Variants in DTHD1 observed in about 807,000 individuals in gnomAD.
DTHD1 encodes death domain-containing protein 1.
Under a neutral mutation model 74.8 loss-of-function variants are expected in DTHD1, and 59 were observed. The ratio of observed to expected loss-of-function variants is 0.79; its 90% CI spans 0.64 to 0.98. The LOEUF (loss-of-function observed/expected upper bound fraction) is 0.98, where lower values mean the gene tolerates loss of function less well. DTHD1 is among the 50% of genes least tolerant of loss of function. The pLI is 0.00. For synonymous variants in DTHD1, 365 were observed against 371.1 expected (o/e 0.98, Z 0.19); for missense variants, 1,051 against 1,065.4 (o/e 0.99, Z 0.19).
intron 1 of DTHD1, 113 bp downstream of exon 1, chr4:36,282,142 G>C: frequency 1.1e-6 from 1 of 874,996 alleles, no homozygotes; most frequent in Non-Finnish European, 1.6e-6. Flanking sequence ...CTGTCCACAA[G>C]AGACTAACAA....
At chr4:36,283,072 G>A (rs1190629302) in intron 1 of DTHD1, among the ~76,000 whole-genome samples, 1 of 152,164 alleles carries the variant, frequency 6.6e-6, no homozygotes, top group African/African-American at 2.4e-5. Context: ...GTGAAGGGAT[G>A]ATTTGGTGAT....
intron 5 of DTHD1, among the ~76,000 whole-genome samples, chr4:36,304,553 C>G (rs867114026): frequency 6.6e-6 from 1 of 152,126 alleles, no homozygotes; most frequent in Non-Finnish European, 1.5e-5. Context: ...GAGTGTAACT[C>G]TAGTTCACTT....
At chr4:36,282,861 A>G (rs767774512) in intron 1 of DTHD1, among the ~76,000 whole-genome samples, 30 of 152,228 alleles carry the variant, frequency 2.0e-4, no homozygotes, top group Admixed American at 5.9e-4. Context: ...GCTGCAGCCC[A>G]CAATGAGACC....
At chr4:36,310,701 G>T (rs1757348459) in intron 7 of DTHD1, among the ~76,000 whole-genome samples, 2 of 152,208 alleles carry the variant, frequency 1.3e-5, no homozygotes, top group African/African-American at 4.8e-5. Context: ...GCTTGAAGCT[G>T]ATGCTGCCCT....
Position 36,284,075 on chromosome 4 carries a change from G to A in DTHD1, c.371G>A (p.Cys124Tyr), listed in dbSNP as rs1387777770. The change falls in exon 2 of 10, where the codon TGC becomes TAC. Residue 124 changes from cysteine to tyrosine, a missense_variant. Coordinates refer to ENST00000639862, the MANE Select transcript of DTHD1 (RefSeq NM_001170700.3). Reference sequence around the variant, plus strand: ...GAAGAAAAGGAGATTTGTAATTTATGCGGCATGCATGATGAATGTACTCCA... The same window carrying A: ...GAAGAAAAGGAGATTTGTAATTTATACGGCATGCATGATGAATGTACTCCA... The part of the protein sequence containing the change: ...KKEEKEICNL[C>Y]GMHDECTPQQ... 6.5e-7 allele frequency: 1 copy of A among 1,537,088 alleles called. No individual in the cohort carries two copies. The highest frequency in any genetic ancestry group is 2.4e-5 in the East Asian group (1 of 40,922).
chr4:36,296,920 G>A (rs1007900796), intron 5 of DTHD1, among the ~76,000 whole-genome samples: 2 of 151,640 alleles, frequency 1.3e-5, no homozygotes, highest in African/African-American at 2.4e-5. Context: ...TATAGCCTAC[G>A]GTTGACCAGG....
intron 1 of DTHD1, among the ~76,000 whole-genome samples, chr4:36,282,637 T>C (rs534852157): frequency 2.2e-4 from 33 of 152,268 alleles, no homozygotes; most frequent in African/African-American, 7.2e-4. Context: ...ATGTGGAATC[T>C]GATGAATATA....
chr4:36,305,476 G>T (rs1177974222), intron 5 of DTHD1, among the ~76,000 whole-genome samples: 5 of 152,034 alleles, frequency 3.3e-5, no homozygotes, highest in African/African-American at 1.2e-4. Flanking sequence ...AGTATGGGGG[G>T]AAACTGCCCC....
At chr4:36,306,383 G>A (rs1196616545) in intron 6 of DTHD1, 31 bp downstream of exon 6, 1 of 1,509,622 alleles carries the variant, frequency 6.6e-7, no homozygotes, top group East Asian at 2.5e-5. Flanking sequence ...CAAAGTTGAT[G>A]ATACTCTTTC....
chr4:36,289,631 G>T (rs530082424), intron 2 of DTHD1, among the ~76,000 whole-genome samples: 1 of 152,124 alleles, frequency 6.6e-6, no homozygotes, highest in East Asian at 1.9e-4. Context: ...ATAGAAAGCA[G>T]CAAAATATTA....
intron 2 of DTHD1, among the ~76,000 whole-genome samples, chr4:36,287,542 G>A (rs1001390762): frequency 3.3e-5 from 5 of 152,150 alleles, no homozygotes; most frequent in African/African-American, 1.2e-4. Flanking sequence ...TCTACTTTTA[G>A]TTCTTTAAGG....
chr4:36,283,956 G>A lies in DTHD1; in HGVS notation c.272-20G>A. 6.9e-7 allele frequency: 1 copy of A among 1,458,656 alleles called. No homozygotes were observed. Among genetic ancestry groups the A allele is most frequent in the Non-Finnish European group, 9.2e-7 (1 of 1,081,722 alleles). The allele number at this position is 1,458,656 out of a possible 1,614,324, so 90.4% of individuals were successfully genotyped here. A position where few individuals can be genotyped will look rare whatever the true frequency, so the allele number is the denominator to read the frequency against. On this transcript the variant is annotated intron_variant, in intron 1 of 9. Coordinates refer to ENST00000639862, the MANE Select transcript of DTHD1 (RefSeq NM_001170700.3). ...TTAGTTTTGTATTTATTCTTTGTGT[G>A]TCCATGTATGTGTGTGTAGAAATCA...
At chr4:36,284,914 T>C (rs1355780059) in intron 2 of DTHD1, among the ~76,000 whole-genome samples, 1 of 152,146 alleles carries the variant, frequency 6.6e-6, no homozygotes, top group Non-Finnish European at 1.5e-5. Context: ...GGCTCCACCC[T>C]CATGACCTAA....
intron 8 of DTHD1, among the ~76,000 whole-genome samples, chr4:36,325,428 T>C (rs1758286177): frequency 6.6e-6 from 1 of 152,210 alleles, no homozygotes; most frequent in African/African-American, 2.4e-5. Context: ...AGGAGAGTGA[T>C]ATGATCAAGT....
At chr4:36,314,069 G>GTTTTTTTTTTTTTTTTTTTTTTT (rs375245524) in intron 7 of DTHD1, among the ~76,000 whole-genome samples, 1 of 138,992 alleles carries the variant, frequency 7.2e-6, no homozygotes. Flanking sequence ...CTAGGAATCT[G>GTTTTTTTTTTTTTTTTTTTTTTT]TTTTTTTTTT....
At chr4:36,302,570 A>T (rs1449781867) in intron 5 of DTHD1, among the ~76,000 whole-genome samples, 3 of 152,212 alleles carry the variant, frequency 2.0e-5, no homozygotes, top group Admixed American at 6.5e-5. Context: ...TTTATGACAT[A>T]ATATTAATGT....
chr4:36,291,990 A>C (rs188896768), intron 3 of DTHD1, among the ~76,000 whole-genome samples: 39 of 152,286 alleles, frequency 2.6e-4, no homozygotes, highest in Admixed American at 2.1e-3. Flanking sequence ...AAATGTAAAA[A>C]AATTCATATA....
intron 4 of DTHD1, 77 bp from the exon 5 acceptor site, chr4:36,294,718 A>G: frequency 1.4e-6 from 2 of 1,386,938 alleles, no homozygotes. Context: ...AGAATTTTCA[A>G]AAAACTGGAT....
At position 36,295,000 on chromosome 4, in the gene DTHD1, G is replaced by A. The variant is rs1160579316; in HGVS notation, c.1604G>A (p.Ser535Asn). ...GSEIDHKRRA[S>N]ATINRITPSY... is the part of the protein sequence containing the mutation. ...GAGATAGATCATAAAAGAAGAGCAA[G>A]TGCCACAATAAATAGGATTACACCT... The change falls in exon 5 of 10, where the codon AGT becomes AAT. Residue 535 changes from serine to asparagine, a missense_variant. Coordinates refer to ENST00000639862, the MANE Select transcript of DTHD1 (RefSeq NM_001170700.3). The A allele has an allele frequency of 6.4e-7, 1 of 1,550,626 alleles. No homozygotes were observed. The highest frequency in any genetic ancestry group is 8.7e-7 in the Non-Finnish European group (1 of 1,146,074).
Sources: allele counts gnomAD v4.1 joint callset (sites outside exome capture counted in the v4.1 genomes callset), GRCh38; gene constraint gnomAD v4.1.1; transcripts MANE v1.5; gene names NCBI Gene and HGNC (gene_info 2026-07-23, HGNC 2026-07-21).